CNTNAP4: variants seen among roughly 807,000 people sequenced by gnomAD.
CNTNAP4 encodes the protein contactin-associated protein-like 4.
CNTNAP4 carries 98 observed loss-of-function variants against 148.4 expected under a neutral mutation model. That is an observed-to-expected ratio of 0.66 (90% confidence interval 0.56 to 0.78). The LOEUF (loss-of-function observed/expected upper bound fraction) is 0.78, where lower values mean the gene tolerates loss of function less well. CNTNAP4 is among the 30% of genes least tolerant of loss of function. The probability of loss-of-function intolerance (pLI) is 0.00; values close to 1 mark genes in which losing one functional copy is unlikely to be tolerated. For synonymous variants in CNTNAP4, 730 were observed against 565.1 expected (o/e 1.29, Z -4.14); for missense variants, 1,935 against 1,565.6 (o/e 1.24, Z -3.98).
intron 3 of CNTNAP4, among the ~76,000 whole-genome samples, chr16:76,421,676 G>A (rs1161574774): frequency 1.5e-5 from 2 of 136,988 alleles, no homozygotes; most frequent in African/African-American, 2.6e-5. Flanking sequence ...GATTTATTTA[G>A]CATCTGAATG....
intron 3 of CNTNAP4, among the ~76,000 whole-genome samples, chr16:76,361,329 A>G (rs1370129098): frequency 2.0e-5 from 3 of 152,222 alleles, no homozygotes; most frequent in East Asian, 1.9e-4. Context: ...GGCAACCATC[A>G]TTCAACTTTC....
At chr16:76,463,623 T>A (rs1317812702) in intron 9 of CNTNAP4, among the ~76,000 whole-genome samples, 2 of 152,158 alleles carry the variant, frequency 1.3e-5, no homozygotes, top group Non-Finnish European at 2.9e-5. Flanking sequence ...ACACCCGACA[T>A]CCAGTTTCCT....
chr16:76,390,054 A>G (rs750474024), intron 3 of CNTNAP4, among the ~76,000 whole-genome samples: 4 of 152,310 alleles, frequency 2.6e-5, no homozygotes, highest in Non-Finnish European at 4.4e-5. Context: ...AGGAGCCAGT[A>G]TACTTCGCCA....
chr16:76,543,165 T>A (rs1456523314), intron 21 of CNTNAP4, among the ~76,000 whole-genome samples: 1 of 152,152 alleles, frequency 6.6e-6, no homozygotes, highest in East Asian at 1.9e-4. Context: ...ATGGTCTCAG[T>A]CAACTGACTC....
intron 10 of CNTNAP4, among the ~76,000 whole-genome samples, chr16:76,472,527 A>G (rs1461817936): frequency 6.7e-6 from 1 of 150,164 alleles, no homozygotes; most frequent in Non-Finnish European, 1.5e-5. Context: ...ACGTTCCTGC[A>G]TTAGTTTGCT....
chr16:76,555,969 G>C (rs1039770167), intron 23 of CNTNAP4, among the ~76,000 whole-genome samples: 4 of 152,074 alleles, frequency 2.6e-5, no homozygotes, highest in African/African-American at 9.7e-5. Flanking sequence ...ATAATGTATC[G>C]TCCTCCAGTG....
At chr16:76,500,436 C>T (rs1170069622) in intron 15 of CNTNAP4, among the ~76,000 whole-genome samples, 1 of 152,246 alleles carries the variant, frequency 6.6e-6, no homozygotes, top group Admixed American at 6.5e-5. Flanking sequence ...TACATTCCAG[C>T]ATTCCTGAAT....
chr16:76,527,024 T>A (rs2144163110), intron 17 of CNTNAP4, among the ~76,000 whole-genome samples: 1 of 152,286 alleles, frequency 6.6e-6, no homozygotes, highest in African/African-American at 2.4e-5. Flanking sequence ...CCCTTCATCT[T>A]AATTTATAGC....
intron 2 of CNTNAP4, among the ~76,000 whole-genome samples, chr16:76,324,304 C>T (rs943642783): frequency 1.3e-5 from 2 of 152,180 alleles, no homozygotes; most frequent in Admixed American, 6.5e-5. Flanking sequence ...AATACATAAA[C>T]ATTTCTTTTA....
intron 2 of CNTNAP4, among the ~76,000 whole-genome samples, chr16:76,341,025 T>C (rs1964429717): frequency 6.6e-6 from 1 of 152,214 alleles, no homozygotes; most frequent in Admixed American, 6.5e-5. Flanking sequence ...TCCAACTATT[T>C]CGGACAAATT....
chr16:76,461,847 T>C (rs1302935939), intron 8 of CNTNAP4, 109 bp from the exon 9 acceptor site: 5 of 804,534 alleles, frequency 6.2e-6, no homozygotes, highest in Non-Finnish European at 9.7e-6. Context: ...TAATTAATAA[T>C]AGAGTTAAGT....
intron 1 of CNTNAP4, among the ~76,000 whole-genome samples, chr16:76,289,813 C>T (rs1959040580): frequency 6.6e-6 from 1 of 152,036 alleles, no homozygotes; most frequent in South Asian, 2.1e-4. Context: ...TCAAGTGATC[C>T]ACCCGCCTCA....
intron 1 of CNTNAP4, among the ~76,000 whole-genome samples, chr16:76,303,576 C>T (rs965384408): frequency 3.9e-5 from 6 of 152,128 alleles, no homozygotes; most frequent in African/African-American, 1.4e-4. Flanking sequence ...GTTTAGTTGG[C>T]ACAGTGTGAA....
At chr16:76,423,290 C>G (rs1036386683) in intron 3 of CNTNAP4, among the ~76,000 whole-genome samples, 1 of 151,956 alleles carries the variant, frequency 6.6e-6, no homozygotes, top group South Asian at 2.1e-4. Flanking sequence ...TATACACAAA[C>G]CAGAGGAGTA....
chr16:76,462,984 A>G (rs1345421648), intron 9 of CNTNAP4, among the ~76,000 whole-genome samples: 2 of 152,234 alleles, frequency 1.3e-5, no homozygotes, highest in Non-Finnish European at 2.9e-5. Flanking sequence ...GACGGTGAGC[A>G]CACAGTCCAT....
intron 1 of CNTNAP4, among the ~76,000 whole-genome samples, chr16:76,304,976 T>C (rs1275099747): frequency 2.6e-5 from 4 of 152,218 alleles, no homozygotes; most frequent in Admixed American, 6.5e-5. Context: ...TTTGGTGATA[T>C]GTATGTAGCA....
chr16:76,398,812 A>T (rs536579264), intron 3 of CNTNAP4, among the ~76,000 whole-genome samples: 1 of 152,110 alleles, frequency 6.6e-6, no homozygotes, highest in Admixed American at 6.6e-5. Context: ...ATATATTTGT[A>T]TATATACATA....
chr16:76,298,494 G>C (rs1393302651), intron 1 of CNTNAP4, among the ~76,000 whole-genome samples: 2 of 138,664 alleles, frequency 1.4e-5, no homozygotes, highest in African/African-American at 6.1e-5. Flanking sequence ...GTATGTGTGT[G>C]TGTGTGTGTG....
chr16:76,473,631 A>G (rs2081449164), intron 10 of CNTNAP4, among the ~76,000 whole-genome samples: 1 of 151,952 alleles, frequency 6.6e-6, no homozygotes, highest in South Asian at 2.1e-4. Flanking sequence ...AAAATTAGCC[A>G]AGCGTGGTGG....
Sources: gnomAD v4.1 joint callset for allele counts (sites outside exome capture counted in the v4.1 genomes callset) on GRCh38, gnomAD v4.1.1 for gene constraint, MANE v1.5 for transcripts, NCBI Gene and HGNC (gene_info 2026-07-23, HGNC 2026-07-21) for gene names.